SELENOF: variants seen among roughly 807,000 people sequenced by gnomAD.
SELENOF encodes selenoprotein F, also known as 15 kDa selenoprotein.
In SELENOF, 16 loss-of-function variants were observed where a neutral mutation model predicts 20.5. The ratio of observed to expected loss-of-function variants is 0.78; its 90% CI spans 0.53 to 1.19. The LOEUF (loss-of-function observed/expected upper bound fraction) is 1.19, where lower values mean the gene tolerates loss of function less well. SELENOF is among the 50% of genes most tolerant of loss of function. The pLI is 0.00. For synonymous variants in SELENOF, 78 were observed against 74.5 expected (o/e 1.05, Z -0.24); for missense variants, 215 against 194.2 (o/e 1.11, Z -0.64).
intron 4 of SELENOF, among the ~76,000 whole-genome samples, chr1:86,864,627 T>G (rs1170554915): frequency 6.6e-6 from 1 of 152,082 alleles, no homozygotes; most frequent in Admixed American, 6.6e-5. Flanking sequence ...CTTAACCATT[T>G]TTGGTCAGGT....
chr1:86,894,035 T>C (rs1279386644), intron 2 of SELENOF, among the ~76,000 whole-genome samples: 1 of 152,206 alleles, frequency 6.6e-6, no homozygotes, highest in African/African-American at 2.4e-5. Context: ...TTTTATCAAA[T>C]CCCTGACCTG....
chr1:86,886,517 G>C (rs72945897), intron 2 of SELENOF, among the ~76,000 whole-genome samples: 2,288 of 151,460 alleles, frequency 0.015, 65 homozygotes, highest in African/African-American at 0.052. Context: ...AAAATCGAAA[G>C]GTTAGTATTA....
intron 4 of SELENOF, among the ~76,000 whole-genome samples, 165 bp downstream of exon 4, chr1:86,867,888 T>C (rs1366020222): frequency 6.6e-6 from 1 of 152,050 alleles, no homozygotes; most frequent in Admixed American, 6.6e-5. Context: ...AAAAATAAAG[T>C]CTATTAATTT....
intron 2 of SELENOF, among the ~76,000 whole-genome samples, chr1:86,899,163 GAA>G (rs1378866069): frequency 2.6e-5 from 4 of 151,304 alleles, no homozygotes; most frequent in African/African-American, 4.9e-5. Context: ...AGAACAAAAT[GAA>G]AAGTCTCCCA....
intron 3 of SELENOF, among the ~76,000 whole-genome samples, chr1:86,873,871 A>C (rs995174233): frequency 7.2e-6 from 1 of 138,370 alleles, no homozygotes; most frequent in Non-Finnish European, 1.6e-5. Flanking sequence ...AAAAAAAAAA[A>C]TTATTTAAAA....
intron 1 of SELENOF, among the ~76,000 whole-genome samples, chr1:86,912,983 T>C (rs1660024843): frequency 6.6e-6 from 1 of 151,950 alleles, no homozygotes; most frequent in Admixed American, 6.6e-5. Context: ...CAGTAGAAAG[T>C]TTAGGGAGAG....
rs1658508017 is a variant in SELENOF at position 86,863,341 on chromosome 1, G to A, written c.*133C>T. On this transcript the variant is annotated 3_prime_UTR_variant, in exon 5 of 5. Coordinates refer to ENST00000331835, the MANE Select transcript of SELENOF (RefSeq NM_004261.5). ...ATCATGGACTATACTGCCATTTCAC[G>A]ATTTAATTAGATATTTAATGCCTCA... is the stretch of plus-strand genomic sequence containing the variant. 8 of 742,910 alleles carry A rather than the reference G, an allele frequency of 1.1e-5. No homozygotes were observed. Among genetic ancestry groups the A allele is most frequent in the South Asian group, 8.8e-5 (4 of 45,356 alleles). 46.0% of individuals were successfully genotyped at this position (742,910 alleles called of 1,614,324 possible). A position where few individuals can be genotyped will look rare whatever the true frequency, so the allele number is the denominator to read the frequency against.
intron 1 of SELENOF, among the ~76,000 whole-genome samples, chr1:86,912,885 AACTGACAGT>A (rs1570413216): frequency 6.6e-6 from 1 of 152,126 alleles, no homozygotes; most frequent in African/African-American, 2.4e-5. Flanking sequence ...AGCTATAGAC[AACTGACAGT>A]CAAAGACAGA....
chr1:86,888,144 C>A (rs1301370245), intron 2 of SELENOF, among the ~76,000 whole-genome samples: 1 of 151,804 alleles, frequency 6.6e-6, no homozygotes, highest in African/African-American at 2.4e-5. Context: ...CCTGTAATCC[C>A]AGCTACTGGG....
intron 3 of SELENOF, among the ~76,000 whole-genome samples, chr1:86,871,796 AT>A (rs1400068510): frequency 1.4e-5 from 2 of 145,564 alleles, no homozygotes; most frequent in Non-Finnish European, 3.0e-5. Flanking sequence ...AAAGATTGGT[AT>A]TTGAATACAT....
chr1:86,879,692 T>C (rs1659013639), intron 3 of SELENOF, among the ~76,000 whole-genome samples: 1 of 152,220 alleles, frequency 6.6e-6, no homozygotes, highest in South Asian at 2.1e-4. Context: ...GAAAGCGTTA[T>C]TACCTTCAGA....
intron 2 of SELENOF, among the ~76,000 whole-genome samples, chr1:86,885,721 T>C (rs1659195552): frequency 6.6e-6 from 1 of 152,202 alleles, no homozygotes; most frequent in Non-Finnish European, 1.5e-5. Context: ...CGGCATGGTA[T>C]AGTGAAAAGA....
At chr1:86,882,707 T>C (rs1029259497) in intron 2 of SELENOF, among the ~76,000 whole-genome samples, 3 of 152,212 alleles carry the variant, frequency 2.0e-5, no homozygotes, top group African/African-American at 4.8e-5. Context: ...TATACACCCA[T>C]GTTCACAGCA....
intron 2 of SELENOF, among the ~76,000 whole-genome samples, chr1:86,891,193 G>T (rs1037292599): frequency 6.6e-6 from 1 of 151,988 alleles, no homozygotes; most frequent in Non-Finnish European, 1.5e-5. Context: ...GAGGTTACAG[G>T]CATGTGCCAC....
intron 4 of SELENOF, among the ~76,000 whole-genome samples, chr1:86,866,127 G>A (rs988881381): frequency 6.6e-6 from 1 of 150,660 alleles, no homozygotes; most frequent in Admixed American, 6.6e-5. Context: ...AGCCTTAGAG[G>A]GTGAGGATGC....
At chr1:86,904,013 A>G (rs538584304) in intron 1 of SELENOF, among the ~76,000 whole-genome samples, 2 of 152,298 alleles carry the variant, frequency 1.3e-5, no homozygotes, top group East Asian at 3.9e-4. Context: ...AAGGCATATC[A>G]TTGTTCATGA....
chr1:86,907,385 G>C (rs558178634), intron 1 of SELENOF, among the ~76,000 whole-genome samples: 3 of 152,216 alleles, frequency 2.0e-5, no homozygotes, highest in South Asian at 4.1e-4. Context: ...GAGTTTCTTA[G>C]GTAAACTACT....
chr1:86,909,251 A>G (rs1322227223), intron 1 of SELENOF, among the ~76,000 whole-genome samples: 1 of 152,170 alleles, frequency 6.6e-6, no homozygotes, highest in Non-Finnish European at 1.5e-5. Flanking sequence ...TGTTTTTTCA[A>G]CAATTATCTA....
intron 3 of SELENOF, among the ~76,000 whole-genome samples, chr1:86,878,370 T>G (rs1378042769): frequency 6.6e-6 from 1 of 152,178 alleles, no homozygotes; most frequent in Non-Finnish European, 1.5e-5. Context: ...AGAAGCTACT[T>G]GATGTTGAAG....
Sources: allele counts gnomAD v4.1 joint callset (sites outside exome capture counted in the v4.1 genomes callset), GRCh38; gene constraint gnomAD v4.1.1; transcripts MANE v1.5; gene names NCBI Gene and HGNC (gene_info 2026-07-23, HGNC 2026-07-21).